The following ATXN8OS variants were observed in gnomAD, a reference collection of about 807,000 sequenced individuals.
ATXN8OS encodes ATXN8 opposite strand (non-protein coding).
intron 3 of ATXN8OS, among the ~76,000 whole-genome samples, chr13:70,147,238 T>C (rs1371086876): frequency 2.6e-5 from 4 of 152,164 alleles, no homozygotes; most frequent in Non-Finnish European, 5.9e-5. Context: ...AAAACTAATA[T>C]AAGAATGCTA....
chr13:70,151,683 A>T (rs930891055), intron 4 of ATXN8OS, among the ~76,000 whole-genome samples: 8 of 152,124 alleles, frequency 5.3e-5, no homozygotes, highest in African/African-American at 1.7e-4. Flanking sequence ...AGGGTAACAT[A>T]TACTTTAGTT....
intron 2 of ATXN8OS, among the ~76,000 whole-genome samples, chr13:70,124,046 A>G (rs1888395275): frequency 6.6e-6 from 1 of 152,136 alleles, no homozygotes; most frequent in African/African-American, 2.4e-5. Context: ...AAATCTAGTG[A>G]AAAGCATTTG....
At chr13:70,161,271 C>T (rs973666800) in intron 4 of ATXN8OS, among the ~76,000 whole-genome samples, 3 of 151,864 alleles carry the variant, frequency 2.0e-5, no homozygotes, top group African/African-American at 7.3e-5. Context: ...AGTAAACCAC[C>T]AAGTATTCTA....
intron 3 of ATXN8OS, among the ~76,000 whole-genome samples, chr13:70,144,973 A>G (rs1311510254): frequency 6.6e-6 from 1 of 152,086 alleles, no homozygotes; most frequent in African/African-American, 2.4e-5. Flanking sequence ...CTTGCCTAAA[A>G]AGTGTTGTAG....
exon 2 of ATXN8OS, chr13:70,115,189 A>T (rs988471854): frequency 5.0e-6 from 2 of 398,488 alleles, no homozygotes; most frequent in African/African-American, 4.1e-5. Context: ...TTTGGTCTAA[A>T]GAGAATCTTC....
At chr13:70,113,528 TG>T (rs1476311091) in intron 1 of ATXN8OS, among the ~76,000 whole-genome samples, 1 of 152,126 alleles carries the variant, frequency 6.6e-6, no homozygotes, top group South Asian at 2.1e-4. Flanking sequence ...TGTATCACTG[TG>T]GGGTAAGGTG....
At chr13:70,146,040 T>C (rs1888781421) in intron 3 of ATXN8OS, among the ~76,000 whole-genome samples, 1 of 98,392 alleles carries the variant, frequency 1.0e-5, no homozygotes. Flanking sequence ...ATCCAGAATC[T>C]ACAATGAACT....
intron 3 of ATXN8OS, among the ~76,000 whole-genome samples, chr13:70,132,886 A>G (rs901971546): frequency 2.0e-5 from 3 of 152,056 alleles, no homozygotes; most frequent in Non-Finnish European, 2.9e-5. Context: ...GCAAAGTCCA[A>G]TGTAGAGGTG....
At chr13:70,122,776 G>T (rs915284701) in intron 2 of ATXN8OS, among the ~76,000 whole-genome samples, 26 of 152,066 alleles carry the variant, frequency 1.7e-4, no homozygotes, top group Non-Finnish European at 2.7e-4. Context: ...CAAAGGGAGA[G>T]ATACAAAGAT....
intron 2 of ATXN8OS, among the ~76,000 whole-genome samples, chr13:70,120,703 A>G (rs1888347313): frequency 6.6e-6 from 1 of 152,226 alleles, no homozygotes; most frequent in African/African-American, 2.4e-5. Context: ...TGCTTTAAAT[A>G]AAATCTGCAC....
intron 3 of ATXN8OS, among the ~76,000 whole-genome samples, chr13:70,133,243 A>G (rs566894378): frequency 4.7e-4 from 71 of 152,270 alleles, no homozygotes; most frequent in Non-Finnish European, 9.9e-4. Context: ...TTGTGTCTAC[A>G]AAAAGTAAAA....
At chr13:70,139,095 T>C (rs180671897) in intron 3 of ATXN8OS, 29 of 400,910 alleles carry the variant, frequency 7.2e-5, no homozygotes, top group African/African-American at 4.5e-4. Context: ...ACCTATCATA[T>C]TTTGGTAAAT....
chr13:70,113,776 G>A (rs774804870), intron 1 of ATXN8OS, among the ~76,000 whole-genome samples: 4 of 151,918 alleles, frequency 2.6e-5, no homozygotes, highest in African/African-American at 4.8e-5. Context: ...AGACATATTT[G>A]CCAAAACTTT....
chr13:70,130,477 CTT>C (rs1358512968), intron 3 of ATXN8OS, among the ~76,000 whole-genome samples: 2 of 152,060 alleles, frequency 1.3e-5, no homozygotes, highest in South Asian at 4.1e-4. Context: ...AAAATGTAAA[CTT>C]TATTGTGATA....
intron 2 of ATXN8OS, among the ~76,000 whole-genome samples, chr13:70,122,603 T>G (rs1888375737): frequency 1.3e-5 from 2 of 152,172 alleles, no homozygotes; most frequent in South Asian, 4.1e-4. Context: ...AAAATGACAT[T>G]TCTTCTAATG....
At chr13:70,168,660 T>A (rs1889107837) in intron 4 of ATXN8OS, among the ~76,000 whole-genome samples, 1 of 151,986 alleles carries the variant, frequency 6.6e-6, no homozygotes, top group Non-Finnish European at 1.5e-5. Context: ...TGTTTCTGGC[T>A]TATTTCGCTT....
At chr13:70,119,135 C>G (rs972774614) in intron 2 of ATXN8OS, among the ~76,000 whole-genome samples, 14 of 151,978 alleles carry the variant, frequency 9.2e-5, no homozygotes, top group African/African-American at 3.4e-4. Flanking sequence ...CTAACTAACC[C>G]CACAAAAAGA....
intron 3 of ATXN8OS, among the ~76,000 whole-genome samples, chr13:70,141,223 C>G (rs531755828): frequency 1.8e-4 from 27 of 152,124 alleles, no homozygotes; most frequent in African/African-American, 6.0e-4. Flanking sequence ...TAACAAATAC[C>G]TCTTTCGTCA....
chr13:70,121,352 A>T (rs899627049), intron 2 of ATXN8OS, among the ~76,000 whole-genome samples: 2 of 152,118 alleles, frequency 1.3e-5, no homozygotes, highest in African/African-American at 4.8e-5. Context: ...AGATAGTGTT[A>T]GAGAGTTTTA....
Sources: allele counts gnomAD v4.1 joint callset (sites outside exome capture counted in the v4.1 genomes callset), GRCh38; gene constraint gnomAD v4.1.1; transcripts MANE v1.5; gene names NCBI Gene and HGNC (gene_info 2026-07-23, HGNC 2026-07-21).